Variants in NEK3 observed in about 807,000 individuals in gnomAD.
The protein encoded by NEK3 is NIMA related kinase 3.
In NEK3, 54 loss-of-function variants were observed where a neutral mutation model predicts 66.0. The ratio of observed to expected loss-of-function variants is 0.82; its 90% CI spans 0.66 to 1.03. NEK3 has a LOEUF of 1.03. Ranked by LOEUF, NEK3 falls within the 50% of genes least tolerant of loss-of-function variation. The pLI is 0.00. For missense variants in NEK3, 593 were observed against 603.0 expected, an observed-to-expected ratio of 0.98 and a Z score of 0.17; for synonymous variants, 200 against 206.2, an observed-to-expected ratio of 0.97 and a Z score of 0.26.
At position 52,133,571 on chromosome 13, in the gene NEK3, A is replaced by G; in HGVS notation, c.1436+118T>C. Reference sequence around the variant, plus strand: ...ATCCATTTATGATGAAAAGTAATATAAGAGGTCCCTACTAAATCTGAAATT... The same window carrying G: ...ATCCATTTATGATGAAAAGTAATATGAGAGGTCCCTACTAAATCTGAAATT... On this transcript the variant is annotated intron_variant, in intron 15 of 15. Transcript: ENST00000610828. 5 of 1,308,642 alleles carry G rather than the reference A, an allele frequency of 3.8e-6. No homozygotes were observed. The South Asian group carries it at 7.8e-5, about 20-fold the overall frequency. The allele number at this position is 1,308,642 out of a possible 1,614,324, so 81.1% of individuals were successfully genotyped here.
chr13:52,159,071 C>G (rs9535888), intron 1 of NEK3: 77,290 of 152,222 alleles, frequency 0.51, 22,040 homozygotes, highest in Middle Eastern at 0.66. Context: ...CCCCAGCCCC[C>G]CGAAGCCAAA....
intron 15 of NEK3, 31 bp downstream of exon 15, chr13:52,133,658 G>A (rs190287201): frequency 6.6e-7 from 1 of 1,513,146 alleles, no homozygotes; most frequent in Non-Finnish European, 8.9e-7. Flanking sequence ...CCCAACCCCA[G>A]CTACAGCTTT....
At chr13:52,145,210 C>T (rs1956284346) in intron 8 of NEK3, among the ~76,000 whole-genome samples, 1 of 152,072 alleles carries the variant, frequency 6.6e-6, no homozygotes, top group Admixed American at 6.6e-5. Context: ...TACACATGGC[C>T]TTTTAAAACA....
rs1956166956 is a variant in NEK3 at position 52,133,064 on chromosome 13, A to G, written c.*78T>C. On this transcript the variant is annotated 3_prime_UTR_variant, in exon 16 of 16. Coordinates refer to ENST00000610828, the MANE Select transcript of NEK3 (RefSeq NM_002498.3). ...GTTTCCAAAGGAAAATATACGTCGC[A>G]TGAACTCATGATCATCTCAGCATGA... The G allele has an allele frequency of 3.6e-6, 4 of 1,121,008 alleles. No homozygotes were observed. The highest frequency in any genetic ancestry group is 2.5e-5 in the East Asian group (1 of 39,542). The allele number at this position is 1,121,008 out of a possible 1,614,324, so 69.4% of individuals were successfully genotyped here.
At chr13:52,140,725 G>C (rs1226068470) in intron 11 of NEK3, among the ~76,000 whole-genome samples, 3 of 152,234 alleles carry the variant, frequency 2.0e-5, no homozygotes, top group Non-Finnish European at 4.4e-5. Flanking sequence ...GAAGGAAGAA[G>C]TACTTAACTA....
At chr13:52,145,350 C>T (rs1421915562) in intron 8 of NEK3, among the ~76,000 whole-genome samples, 4 of 152,198 alleles carry the variant, frequency 2.6e-5, no homozygotes, top group Non-Finnish European at 5.9e-5. Context: ...GGTTTTTTGG[C>T]TTGAGTGTGA....
At chr13:52,156,365 G>A in intron 1 of NEK3, 117 bp from the exon 2 acceptor site, 2 of 545,124 alleles carry the variant, frequency 3.7e-6, no homozygotes, top group Non-Finnish European at 6.6e-6. Flanking sequence ...TTTTGAAGAG[G>A]ATCAGTGTAT....
Position 52,143,988 on chromosome 13 carries a change from C to T in NEK3, c.805-1G>A. 1 of 1,482,940 alleles carries T rather than the reference C, an allele frequency of 6.7e-7. No homozygotes were observed. The highest frequency in any genetic ancestry group is 9.1e-7 in the Non-Finnish European group (1 of 1,093,320). 91.9% of individuals were successfully genotyped at this position (1,482,940 alleles called of 1,614,324 possible). On this transcript the variant is annotated splice_acceptor_variant, in intron 9 of 15. Transcript: ENST00000610828. LOFTEE classifies it high-confidence loss of function. ...CTTCCTCACCATATTCCATGATGATCTGAAATTTAAAGTTGAGAATTTAGA... is the reference window on the plus strand; with the variant it reads ...CTTCCTCACCATATTCCATGATGATTTGAAATTTAAAGTTGAGAATTTAGA...
At chr13:52,142,487 A>T (rs1024600849) in intron 10 of NEK3, among the ~76,000 whole-genome samples, 5 of 152,156 alleles carry the variant, frequency 3.3e-5, no homozygotes, top group Admixed American at 3.3e-4. Context: ...CATGTTCGCC[A>T]GGATGGTCTT....
chr13:52,151,969 T>C (rs754821303), intron 5 of NEK3, among the ~76,000 whole-genome samples: 12 of 152,220 alleles, frequency 7.9e-5, no homozygotes, highest in Non-Finnish European at 1.8e-4. Context: ...CTACACTATA[T>C]AGCCTAGGTG....
At chr13:52,153,813 T>C in intron 4 of NEK3, 82 bp downstream of exon 4, 2 of 918,122 alleles carry the variant, frequency 2.2e-6, no homozygotes, top group East Asian at 2.4e-5. Context: ...CAGATATCAA[T>C]GCTTTTATTT....
intron 2 of NEK3, among the ~76,000 whole-genome samples, 187 bp from the exon 3 acceptor site, chr13:52,154,360 T>C (rs1261225798): frequency 6.6e-6 from 1 of 152,226 alleles, no homozygotes; most frequent in Non-Finnish European, 1.5e-5. Context: ...TATATTTTCA[T>C]GCTTGAGCTG....
chr13:52,136,700 C>A, intron 12 of NEK3, 100 bp downstream of exon 12: 1 of 620,044 alleles, frequency 1.6e-6, no homozygotes. Context: ...AAACAAATAT[C>A]AGCTTGTACT....
rs1206724410 is a variant in NEK3, at chr13:52,135,684, C to T, written c.1309+45G>A. ...TGTTATATATATTTGCCACAATTTT[C>T]AAAAAGTCAAAGGGTTTCCAAGGTC... On this transcript the variant is annotated intron_variant, in intron 14 of 15. Coordinates refer to ENST00000610828, the MANE Select transcript of NEK3 (RefSeq NM_002498.3). 6 of 1,540,714 alleles carry T rather than the reference C, an allele frequency of 3.9e-6. No individual in the cohort carries two copies. In the Admixed American group the frequency reaches 1.1e-4, roughly 29 times the overall value.
At chr13:52,147,665 A>G (rs1043466533) in intron 8 of NEK3, among the ~76,000 whole-genome samples, 5 of 152,172 alleles carry the variant, frequency 3.3e-5, no homozygotes, top group African/African-American at 1.2e-4. Flanking sequence ...GGGTGATGAC[A>G]AAAGTTTTAC....
chr13:52,148,302 C>T (rs1956310975), intron 8 of NEK3, 113 bp downstream of exon 8: 2 of 998,536 alleles, frequency 2.0e-6, no homozygotes, highest in South Asian at 3.0e-5. Flanking sequence ...CATATACAAA[C>T]TTTTATAATG....
chr13:52,148,871 G>C (rs763570894), intron 7 of NEK3, among the ~76,000 whole-genome samples: 1 of 152,028 alleles, frequency 6.6e-6, no homozygotes, highest in Non-Finnish European at 1.5e-5. Context: ...CACACAGTCT[G>C]CTGGATGGCT....
rs756993867 is a variant in NEK3, at chr13:52,135,871, C to T, written c.1175-8G>A. Reference sequence around the variant, plus strand: ...ACTTTATTACAGAACCACCTAGTTGCAAAAAGACAAAAATTAGTGCTGAAT... The same window carrying T: ...ACTTTATTACAGAACCACCTAGTTGTAAAAAGACAAAAATTAGTGCTGAAT... On this transcript the variant is annotated splice_region_variant and splice_polypyrimidine_tract_variant and intron_variant, in intron 13 of 15. Coordinates refer to ENST00000610828, the MANE Select transcript of NEK3 (RefSeq NM_002498.3). 5 of 1,603,636 alleles carry T rather than the reference C, an allele frequency of 3.1e-6. No homozygotes were observed. The highest frequency in any genetic ancestry group is 1.7e-4 in the Middle Eastern group (1 of 5,998).
chr13:52,150,336 G>A (rs989120411), intron 7 of NEK3, among the ~76,000 whole-genome samples: 28 of 152,236 alleles, frequency 1.8e-4, no homozygotes, highest in Non-Finnish European at 3.1e-4. Context: ...TTTTGGAAGC[G>A]CCATATAGTA....
Sources: allele counts gnomAD v4.1 joint callset (sites outside exome capture counted in the v4.1 genomes callset), GRCh38; gene constraint gnomAD v4.1.1; transcripts MANE v1.5; gene names NCBI Gene and HGNC (gene_info 2026-07-23, HGNC 2026-07-21).